PSORS1C1: variants seen among roughly 807,000 people sequenced by gnomAD.
PSORS1C1 encodes the protein psoriasis susceptibility 1 candidate 1.
PSORS1C1 carries 7 observed loss-of-function variants against 9.4 expected under a neutral mutation model. The ratio of observed to expected loss-of-function variants is 0.75; its 90% CI spans 0.42 to 1.40. The LOEUF is 1.40. Among genes scored for constraint, PSORS1C1 ranks in the 40% most tolerant of loss-of-function variants. PSORS1C1 has a pLI of 0.01. For synonymous variants in PSORS1C1, 63 were observed against 69.4 expected (o/e 0.91, Z 0.46); for missense variants, 146 against 178.1 (o/e 0.82, Z 1.02).
chr6:31,134,420 A>C (rs545907314), intron 3 of PSORS1C1, among the ~76,000 whole-genome samples: 1 of 151,942 alleles, frequency 6.6e-6, no homozygotes, highest in South Asian at 2.1e-4. Flanking sequence ...CTCCTGTCTC[A>C]GCCTCCCGAG....
chr6:31,139,565 G>A lies in PSORS1C1; in HGVS notation c.168-76G>A. On this transcript the variant is annotated intron_variant, in intron 5 of 5. Transcript: ENST00000259881. The surrounding 1 kb of genome is among the most constrained non-coding windows in gnomAD (Gnocchi z 5.2). The stretch of plus-strand genomic sequence containing the variant: ...CCCCCGCACTGAAAGCTCCCCCTGG[G>A]GCTTCGTGCTTTCCTGGGCACTTCC... The A allele has an allele frequency of 6.8e-7, 1 of 1,473,648 alleles. No homozygotes were observed. Among genetic ancestry groups the A allele is most frequent in the Non-Finnish European group, 9.2e-7 (1 of 1,082,924 alleles). The allele number at this position is 1,473,648 out of a possible 1,614,324, so 91.3% of individuals were successfully genotyped here.
chr6:31,135,878 A>G (rs3132563), intron 3 of PSORS1C1, among the ~76,000 whole-genome samples: 72,957 of 151,836 alleles, frequency 0.48, 19,492 homozygotes, highest in African/African-American at 0.72. Context: ...CTCTAAAAAC[A>G]AAACAAAACT....
At chr6:31,118,653 G>C (rs1037090503) in intron 1 of PSORS1C1, 4 of 152,020 alleles carry the variant, frequency 2.6e-5, no homozygotes, top group Non-Finnish European at 5.9e-5. Flanking sequence ...TTTCACCTGC[G>C]TTCCTTCTGC....
chr6:31,136,007 C>T (rs189561392), intron 3 of PSORS1C1, among the ~76,000 whole-genome samples: 498 of 152,254 alleles, frequency 3.3e-3, no homozygotes, highest in Middle Eastern at 0.014. Context: ...GAGCCATGAT[C>T]GTGCCACTGC....
intron 1 of PSORS1C1, chr6:31,116,116 C>T (rs757477487): frequency 3.1e-6 from 5 of 1,610,960 alleles, no homozygotes; most frequent in East Asian, 2.2e-5. Flanking sequence ...TAGGATATCC[C>T]GGATGGAGCG....
intron 1 of PSORS1C1, chr6:31,117,014 TC>T: frequency 6.2e-7 from 1 of 1,614,068 alleles, no homozygotes; most frequent in Non-Finnish European, 8.5e-7. Context: ...ACCCCAAAGG[TC>T]TGGGAAGAGG....
At chr6:31,129,239 C>T (rs777716151) in intron 2 of PSORS1C1, among the ~76,000 whole-genome samples, 2 of 152,054 alleles carry the variant, frequency 1.3e-5, no homozygotes, top group African/African-American at 4.8e-5. Context: ...GGCTATTGTT[C>T]TGTAAATCTG....
intron 1 of PSORS1C1, chr6:31,120,504 G>T (rs1214888764): frequency 8.3e-7 from 1 of 1,197,796 alleles, no homozygotes; most frequent in Non-Finnish European, 1.2e-6. Flanking sequence ...CTGGGCAGGA[G>T]TCACTGTGGG....
intron 3 of PSORS1C1, among the ~76,000 whole-genome samples, chr6:31,137,017 G>A (rs1773169523): frequency 6.6e-6 from 1 of 151,978 alleles, no homozygotes; most frequent in African/African-American, 2.4e-5. Flanking sequence ...GCATGGTGGT[G>A]CGCACCTGTA....
At chr6:31,131,958 A>G (rs565300087) in intron 3 of PSORS1C1, among the ~76,000 whole-genome samples, 10 of 152,358 alleles carry the variant, frequency 6.6e-5, no homozygotes, top group African/African-American at 2.4e-4. Flanking sequence ...TTTAAAACTA[A>G]TGAGAAGTTG....
chr6:31,115,295 T>G lies in PSORS1C1; in HGVS notation c.-229+404T>G. On this transcript the variant is annotated intron_variant, in intron 1 of 5. Coordinates refer to ENST00000259881, the MANE Select transcript of PSORS1C1 (RefSeq NM_014068.3). This position sits in a 1 kb window ranked among gnomAD's most constrained non-coding sequence, Gnocchi z 4.2. ...CTAGTCCCCACAGTTTACTGAGCCA[T>G]CTGTCCAGGATCCAGGGACAGCAGG... is the stretch of plus-strand genomic sequence containing the variant. 1 of 218,306 alleles carries G rather than the reference T, an allele frequency of 4.6e-6. No individual in the cohort carries two copies. The highest frequency in any genetic ancestry group is 9.2e-6 in the Non-Finnish European group (1 of 108,406). 13.5% of individuals were successfully genotyped at this position (218,306 alleles called of 1,614,324 possible).
At chr6:31,122,157 C>T (rs2150963172) in intron 1 of PSORS1C1, among the ~76,000 whole-genome samples, 1 of 152,372 alleles carries the variant, frequency 6.6e-6, no homozygotes, top group Non-Finnish European at 1.5e-5. Flanking sequence ...TTCTGAACTT[C>T]CATCTCCTCA....
chr6:31,137,689 C>G (rs3132558), intron 3 of PSORS1C1: 291,753 of 379,488 alleles, frequency 0.77, 112,683 homozygotes, highest in East Asian at 0.87. Flanking sequence ...GAGGTAGGTG[C>G]GGCCGAGGCC....
chr6:31,126,484 G>C (rs17190589), intron 2 of PSORS1C1, among the ~76,000 whole-genome samples: 12,387 of 152,148 alleles, frequency 0.081, 534 homozygotes, highest in Non-Finnish European at 0.095. Flanking sequence ...TCCTGGTGTG[G>C]GCGGTGCTCG....
intron 1 of PSORS1C1, among the ~76,000 whole-genome samples, chr6:31,122,155 T>C (rs1772491179): frequency 2.0e-5 from 3 of 152,240 alleles, no homozygotes. Flanking sequence ...CTTTCTGAAC[T>C]TCCATCTCCT....
intron 4 of PSORS1C1, 50 bp downstream of exon 4, chr6:31,138,509 C>A: frequency 1.2e-6 from 2 of 1,607,242 alleles, no homozygotes; most frequent in South Asian, 2.2e-5. Context: ...AACCCCTACC[C>A]CCGATGGATC....
In PSORS1C1 at chr6:31,139,058, G is replaced by A; in HGVS notation, c.167+279G>A. 2 of 1,608,122 alleles carry A rather than the reference G, an allele frequency of 1.2e-6. No homozygotes were observed. The highest frequency in any genetic ancestry group is 1.1e-5 in the South Asian group (1 of 90,922). On this transcript the variant is annotated intron_variant, in intron 5 of 5. Coordinates refer to ENST00000259881, the MANE Select transcript of PSORS1C1 (RefSeq NM_014068.3). This position sits in a 1 kb window ranked among gnomAD's most constrained non-coding sequence, Gnocchi z 5.2. Reference sequence around the variant, plus strand: ...GTACTGGCCCCCAAAGCTGGGGTGGGCTGAGTCTGGGTGCCTGGGAACCCC... The same window carrying A: ...GTACTGGCCCCCAAAGCTGGGGTGGACTGAGTCTGGGTGCCTGGGAACCCC...
chr6:31,139,105 G>C lies in PSORS1C1; in HGVS notation c.167+326G>C. 8.2e-7 allele frequency: 1 copy of C among 1,225,688 alleles called. No individual in the cohort carries two copies. The highest frequency in any genetic ancestry group is 1.2e-5 in the South Asian group (1 of 81,476). The allele number at this position is 1,225,688 out of a possible 1,614,324, so 75.9% of individuals were successfully genotyped here. On this transcript the variant is annotated intron_variant, in intron 5 of 5. Transcript: ENST00000259881. This position sits in a 1 kb window ranked among gnomAD's most constrained non-coding sequence, Gnocchi z 5.2. ...CCCCAAGAGGCTTTATAGGGGAGGA[G>C]TGGAGGAGGGACCAGCCCAGTGGCA... is the stretch of plus-strand genomic sequence containing the variant.
chr6:31,138,591 G>T, intron 4 of PSORS1C1, 65 bp from the exon 5 acceptor site: 1 of 1,611,280 alleles, frequency 6.2e-7, no homozygotes, highest in Non-Finnish European at 8.5e-7. Flanking sequence ...CCTGGTTGGG[G>T]TACCCCACTA....
Sources: allele counts gnomAD v4.1 joint callset (sites outside exome capture counted in the v4.1 genomes callset), GRCh38; gene constraint gnomAD v4.1.1; non-coding constraint Gnocchi (gnomAD v3.1); transcripts MANE v1.5; gene names NCBI Gene and HGNC (gene_info 2026-07-23, HGNC 2026-07-21).